The following NANS variants were observed in gnomAD, a reference collection of about 807,000 sequenced individuals.
The protein encoded by NANS is N-acetylneuraminate synthase, also known as N-acetylneuraminate-9-phosphate synthase.
A neutral mutation model predicts 33.3 loss-of-function variants in NANS; 29 were observed. The observed-to-expected ratio is 0.87, with a 90% confidence interval of 0.65 to 1.19. NANS has a LOEUF of 1.19. Among genes scored for constraint, NANS ranks in the 50% most tolerant of loss-of-function variants. The probability of loss-of-function intolerance (pLI) is 0.00; values close to 1 mark genes in which losing one functional copy is unlikely to be tolerated. For synonymous variants in NANS, 163 were observed against 177.2 expected (o/e 0.92, Z 0.64); for missense variants, 394 against 461.1 (o/e 0.85, Z 1.33).
At chr9:98,062,720 G>A (rs1027479845) in intron 2 of NANS, among the ~76,000 whole-genome samples, 5 of 150,300 alleles carry the variant, frequency 3.3e-5, no homozygotes, top group African/African-American at 1.2e-4. Flanking sequence ...TTCTTTTGGT[G>A]CATGTACTAT....
At chr9:98,076,528 C>T (rs143954095) in intron 2 of NANS, 2,171 of 193,072 alleles carry the variant, frequency 0.011, 24 homozygotes, top group Non-Finnish European at 0.014. Context: ...GTGCCCGCCA[C>T]CACACCCGGC....
chr9:98,062,777 GT>G lies in NANS; in HGVS notation c.348+1800del, dbSNP rs765558300. 9.7e-3 allele frequency among the ~76,000 whole-genome samples: 1,057 copies of G among 109,316 alleles called. 6 individuals are homozygous for G. Among genetic ancestry groups the G allele is most frequent in the African/African-American group, 0.03 (887 of 29,526 alleles). The allele number at this position is 109,316 out of a possible 152,430, so 71.7% of individuals were successfully genotyped here. A position where few individuals can be genotyped will look rare whatever the true frequency, so the allele number is the denominator to read the frequency against. On this transcript the variant is annotated intron_variant, in intron 2 of 5. Transcript: ENST00000210444. ...ACTTTTGGATACGGAAGTTATTTCA[GT>G]TTTTTTTTTTTTTTTTTTTGAGACA... is the stretch of plus-strand genomic sequence containing the variant.
Position 98,057,092 on chromosome 9 carries a change from C to G in NANS, c.132+152C>G, listed in dbSNP as rs1010707286. 2.4e-5 allele frequency: 28 copies of G among 1,169,374 alleles called. No individual in the cohort carries two copies. In the Middle Eastern group the frequency reaches 8.7e-4, roughly 37 times the overall value. 72.4% of individuals were successfully genotyped at this position (1,169,374 alleles called of 1,614,324 possible). Reference sequence around the variant, plus strand: ...TCCGTTTTCGGAATCCTTCGGATCCCTCTTCCTCACCGTGTCCGCCACCCT... The same window carrying G: ...TCCGTTTTCGGAATCCTTCGGATCCGTCTTCCTCACCGTGTCCGCCACCCT... On this transcript the variant is annotated intron_variant, in intron 1 of 5. Transcript: ENST00000210444.
intron 5 of NANS, 104 bp downstream of exon 5, chr9:98,081,186 T>C (rs917959980): frequency 1.0e-5 from 15 of 1,484,388 alleles, no homozygotes; most frequent in Middle Eastern, 1.8e-4. Flanking sequence ...GCCAGGCTGA[T>C]GAAATGATCA....
At chr9:98,068,311 G>T (rs1362954304) in intron 2 of NANS, among the ~76,000 whole-genome samples, 1 of 151,172 alleles carries the variant, frequency 6.6e-6, no homozygotes, top group Non-Finnish European at 1.5e-5. Context: ...ATTTTTTTTT[G>T]TATCTCTTGG....
chr9:98,073,270 G>GTT (rs1829425927), intron 2 of NANS, among the ~76,000 whole-genome samples: 1 of 104,996 alleles, frequency 9.5e-6, no homozygotes, highest in Non-Finnish European at 1.9e-5. Flanking sequence ...ATCACCATGG[G>GTT]CTTTTTTTTT....
At chr9:98,061,636 T>G (rs1407031411) in intron 2 of NANS, among the ~76,000 whole-genome samples, 1 of 149,676 alleles carries the variant, frequency 6.7e-6, no homozygotes, top group Non-Finnish European at 1.5e-5. Flanking sequence ...AAAAATTAGC[T>G]GGGCGTGGTG....
chr9:98,060,820 G>T lies in NANS; in HGVS notation c.171G>T (p.Glu57Asp), dbSNP rs1666853051. 1 of 1,614,094 alleles carries T rather than the reference G, an allele frequency of 6.2e-7. No homozygotes were observed. The highest frequency in any genetic ancestry group is 1.7e-5 in the Admixed American group (1 of 59,996). ...ATTGTGCTAAGTTCCAGAAGAGTGA[G>T]CTAGAATTCAAGTTTAATCGGAAAG... ...GADCAKFQKS[E>D]LEFKFNRKAL... The change falls in exon 2 of 6, where the codon GAG (glutamate) becomes GAT (aspartate). Residue 57 changes from glutamate (E) to aspartate (D), a missense_variant. Transcript: ENST00000210444.
At chr9:98,062,782 T>TC (rs1361456531) in intron 2 of NANS, among the ~76,000 whole-genome samples, 9 of 149,634 alleles carry the variant, frequency 6.0e-5, no homozygotes, top group Admixed American at 4.7e-4. Context: ...TTTCAGTTTT[T>TC]TTTTTTTTTT....
chr9:98,069,567 C>G (rs2131633764), intron 2 of NANS: 1 of 152,438 alleles, frequency 6.6e-6, no homozygotes, highest in South Asian at 2.1e-4. Flanking sequence ...CCACCGCGCC[C>G]AGCCAGGAAT....
chr9:98,061,235 G>T, intron 2 of NANS: 1 of 485,912 alleles, frequency 2.1e-6, no homozygotes, highest in Non-Finnish European at 3.8e-6. Context: ...CCGGCACTTT[G>T]GGAGACTGAG....
At chr9:98,075,363 T>C (rs1587921346) in intron 2 of NANS, 1 of 133,056 alleles carries the variant, frequency 7.5e-6, no homozygotes, top group African/African-American at 2.9e-5. Context: ...GTGAGAAAGG[T>C]GAAGGAAGGG....
At chr9:98,064,164 C>T (rs1236165653) in intron 2 of NANS, among the ~76,000 whole-genome samples, 1 of 152,180 alleles carries the variant, frequency 6.6e-6, no homozygotes, top group Non-Finnish European at 1.5e-5. Flanking sequence ...TTTCAGGCTA[C>T]ACTTCTGTAG....
chr9:98,070,654 A>G (rs1829299470), intron 2 of NANS, among the ~76,000 whole-genome samples: 1 of 152,124 alleles, frequency 6.6e-6, no homozygotes, highest in South Asian at 2.1e-4. Flanking sequence ...TCCCGACCTC[A>G]GGTGATCCGC....
chr9:98,072,507 G>A (rs1335068364), intron 2 of NANS, among the ~76,000 whole-genome samples: 8 of 151,966 alleles, frequency 5.3e-5, no homozygotes, highest in Non-Finnish European at 1.5e-5. Context: ...CACCTCACGG[G>A]TTCAAGCAGT....
At chr9:98,061,755 G>A (rs1426765068) in intron 2 of NANS, among the ~76,000 whole-genome samples, 1 of 151,040 alleles carries the variant, frequency 6.6e-6, no homozygotes, top group East Asian at 1.9e-4. Flanking sequence ...ACTCCAGCCT[G>A]GTGATAGAGC....
chr9:98,082,719 G>A (rs767790784), intron 5 of NANS, 127 bp from the exon 6 acceptor site: 21 of 758,322 alleles, frequency 2.8e-5, no homozygotes, highest in African/African-American at 5.2e-5. Flanking sequence ...CAGTGTAGGG[G>A]GCAACAGAGT....
intron 2 of NANS, among the ~76,000 whole-genome samples, chr9:98,071,285 T>C (rs900199831): frequency 4.6e-5 from 7 of 152,216 alleles, no homozygotes; most frequent in African/African-American, 1.7e-4. Context: ...ACACCCCAGC[T>C]CTGTGGTACA....
intron 2 of NANS, among the ~76,000 whole-genome samples, chr9:98,068,417 G>A (rs1300882853): frequency 1.3e-5 from 2 of 151,812 alleles, no homozygotes; most frequent in Admixed American, 6.6e-5. Flanking sequence ...AGGATTACAG[G>A]TGTCAGCCAC....
Sources: gnomAD v4.1 joint callset for allele counts (sites outside exome capture counted in the v4.1 genomes callset) on GRCh38, gnomAD v4.1.1 for gene constraint, MANE v1.5 for transcripts, NCBI Gene and HGNC (gene_info 2026-07-23, HGNC 2026-07-21) for gene names.